Variants in CACNA1E observed in about 807,000 individuals in gnomAD.
CACNA1E encodes the protein calcium voltage-gated channel subunit alpha1 E, also known as voltage-dependent R-type calcium channel subunit alpha-1E.
In CACNA1E, 40 loss-of-function variants were observed where a neutral mutation model predicts 259.2. The ratio of observed to expected loss-of-function variants is 0.15; its 90% CI spans 0.12 to 0.20. The LOEUF (loss-of-function observed/expected upper bound fraction) is 0.20, where lower values mean the gene tolerates loss of function less well. Among genes scored for constraint, CACNA1E ranks in the 10% least tolerant of loss-of-function variants. The probability of loss-of-function intolerance (pLI) is 1.00; values close to 1 mark genes in which losing one functional copy is unlikely to be tolerated. For missense variants in CACNA1E, 1,874 were observed against 3,040.1 expected, an observed-to-expected ratio of 0.62 and a Z score of 9.02; for synonymous variants, 1,104 against 1,138.5, an observed-to-expected ratio of 0.97 and a Z score of 0.61.
chr1:181,377,669 A>G (rs754895528), intron 1 of CACNA1E, among the ~76,000 whole-genome samples: 1 of 152,352 alleles, frequency 6.6e-6, no homozygotes, highest in Non-Finnish European at 1.5e-5. Flanking sequence ...AATAATGTTT[A>G]CTGTGTATCA....
intron 1 of CACNA1E, among the ~76,000 whole-genome samples, chr1:181,397,413 G>A (rs551290622): frequency 6.6e-6 from 1 of 152,256 alleles, no homozygotes; most frequent in East Asian, 1.9e-4. Context: ...TGATTCTCCT[G>A]CCTCAGCCTT....
intron 1 of CACNA1E, among the ~76,000 whole-genome samples, chr1:181,348,816 C>G (rs1652813026): frequency 6.6e-6 from 1 of 152,172 alleles, no homozygotes; most frequent in Admixed American, 6.5e-5. Context: ...TAGGAGAGCA[C>G]TGGGCAGTAG....
At chr1:181,343,065 A>C (rs1285983006) in intron 1 of CACNA1E, among the ~76,000 whole-genome samples, 2 of 152,016 alleles carry the variant, frequency 1.3e-5, no homozygotes, top group Non-Finnish European at 2.9e-5. Context: ...ACGTGCCCAC[A>C]GATTGGCTGT....
intron 1 of CACNA1E, among the ~76,000 whole-genome samples, chr1:181,389,762 A>C (rs1656123545): frequency 6.6e-6 from 1 of 152,218 alleles, no homozygotes; most frequent in Non-Finnish European, 1.5e-5. Flanking sequence ...CCAGAGTGGC[A>C]CTTGCAAATC....
chr1:181,740,295 C>A (rs1656443277), intron 25 of CACNA1E, among the ~76,000 whole-genome samples: 1 of 152,136 alleles, frequency 6.6e-6, no homozygotes, highest in Non-Finnish European at 1.5e-5. Context: ...CATACGTTTA[C>A]CCTTCTGAGT....
At chr1:181,570,251 G>A (rs765986186) in intron 3 of CACNA1E, among the ~76,000 whole-genome samples, 5 of 151,744 alleles carry the variant, frequency 3.3e-5, no homozygotes, top group Admixed American at 1.3e-4. Context: ...TGTGTTCCTC[G>A]GGGGGAGTCT....
intron 1 of CACNA1E, among the ~76,000 whole-genome samples, chr1:181,335,933 A>G (rs1651677262): frequency 6.6e-6 from 1 of 152,170 alleles, no homozygotes; most frequent in Admixed American, 6.5e-5. Context: ...GGCCATAGAG[A>G]TCTCATAGTC....
chr1:181,502,777 C>G (rs1173878571), intron 1 of CACNA1E, among the ~76,000 whole-genome samples: 1 of 152,200 alleles, frequency 6.6e-6, no homozygotes, highest in Admixed American at 6.5e-5. Context: ...CGGCTCACCA[C>G]AACCTCCATC....
chr1:181,571,448 A>C (rs1176283380), intron 3 of CACNA1E, among the ~76,000 whole-genome samples: 2 of 152,246 alleles, frequency 1.3e-5, no homozygotes, highest in African/African-American at 2.4e-5. Context: ...GAGACTAAGA[A>C]GTGAATCCAA....
At chr1:181,771,813 T>G (rs183818353) in intron 36 of CACNA1E, among the ~76,000 whole-genome samples, 6 of 152,286 alleles carry the variant, frequency 3.9e-5, no homozygotes, top group Non-Finnish European at 7.3e-5. Flanking sequence ...TGCTGGGTCT[T>G]AGAGAATCCC....
At chr1:181,394,476 G>T (rs1482982458) in intron 1 of CACNA1E, among the ~76,000 whole-genome samples, 2 of 152,026 alleles carry the variant, frequency 1.3e-5, no homozygotes, top group African/African-American at 4.8e-5. Context: ...AAGGGTTTGG[G>T]GTATCTCATC....
chr1:181,670,710 T>C (rs559996862), intron 7 of CACNA1E, among the ~76,000 whole-genome samples: 3 of 152,110 alleles, frequency 2.0e-5, no homozygotes, highest in African/African-American at 7.2e-5. Context: ...CTCGGCAGAG[T>C]TGACTGAAAT....
At chr1:181,769,351 G>GAAA (rs10707692) in intron 35 of CACNA1E, among the ~76,000 whole-genome samples, 4 of 134,686 alleles carry the variant, frequency 3.0e-5, no homozygotes, top group Non-Finnish European at 6.3e-5. Flanking sequence ...GTGAAAAGTT[G>GAAA]AAAAAAAAAA....
chr1:181,638,770 A>G (rs148387142), intron 6 of CACNA1E, among the ~76,000 whole-genome samples: 1,761 of 152,188 alleles, frequency 0.012, 34 homozygotes, highest in African/African-American at 0.04. Context: ...TTCTCACAAG[A>G]TCTGGTGGTT....
chr1:181,751,422 C>G (rs570866701), intron 26 of CACNA1E, among the ~76,000 whole-genome samples: 4 of 152,152 alleles, frequency 2.6e-5, no homozygotes, highest in Admixed American at 6.5e-5. Context: ...GTGCTAGGTG[C>G]ACACCATCTG....
At chr1:181,472,224 T>A (rs1375073709) in intron 2 of CACNA1E, among the ~76,000 whole-genome samples, 2 of 80,576 alleles carry the variant, frequency 2.5e-5, no homozygotes, top group African/African-American at 9.9e-5. Context: ...GGGTGGGGGG[T>A]GGGGACTGGA....
chr1:181,397,894 T>A (rs1656807630), intron 1 of CACNA1E, among the ~76,000 whole-genome samples: 2 of 152,224 alleles, frequency 1.3e-5, no homozygotes, highest in South Asian at 2.1e-4. Context: ...ACCTGAGAGA[T>A]CCTGGACACT....
At chr1:181,636,154 A>T (rs1445903154) in intron 6 of CACNA1E, among the ~76,000 whole-genome samples, 1 of 152,198 alleles carries the variant, frequency 6.6e-6, no homozygotes. Context: ...TAATATTAAC[A>T]TCTAATGTTT....
intron 5 of CACNA1E, 84 bp from the exon 6 acceptor site, chr1:181,580,511 G>A: frequency 7.5e-7 from 1 of 1,332,886 alleles, no homozygotes; most frequent in Non-Finnish European, 1.1e-6. Context: ...GAATGGAATT[G>A]CTTGCCTATG....
Sources: gnomAD v4.1 joint callset for allele counts (sites outside exome capture counted in the v4.1 genomes callset) on GRCh38, gnomAD v4.1.1 for gene constraint, MANE v1.5 for transcripts, NCBI Gene and HGNC (gene_info 2026-07-23, HGNC 2026-07-21) for gene names.